Variants in UTS2 observed in about 807,000 individuals in gnomAD.
The protein encoded by UTS2 is urotensin 2, also known as urotensin-2.
In UTS2, 10 loss-of-function variants were observed where a neutral mutation model predicts 12.6. The observed-to-expected ratio is 0.80, with a 90% CI of 0.49 to 1.35. The LOEUF is 1.35. Ranked by LOEUF, UTS2 falls within the 40% of genes most tolerant of loss-of-function variation. The probability of loss-of-function intolerance (pLI) is 0.00; values close to 1 mark genes in which losing one functional copy is unlikely to be tolerated. For synonymous variants in UTS2, 52 were observed against 50.0 expected, an observed-to-expected ratio of 1.04 and a Z score of -0.17; for missense variants, 142 against 143.2, an observed-to-expected ratio of 0.99 and a Z score of 0.04.
chr1:7,886,464 G>A, the UTS2 span, among the ~76,000 whole-genome samples: 4 of 152,228 alleles, frequency 2.6e-5, no homozygotes, highest in South Asian at 4.1e-4. Context: ...CTTTCTGAAC[G>A]ATGTAGACCA....
At chr1:7,877,601 G>A in the UTS2 span, among the ~76,000 whole-genome samples, 6 of 152,218 alleles carry the variant, frequency 3.9e-5, no homozygotes, top group South Asian at 8.3e-4. Flanking sequence ...AAGACTGGGC[G>A]CAGTGGCTCA....
chr1:7,885,835 G>A, the UTS2 span, among the ~76,000 whole-genome samples: 2 of 1,424 alleles, frequency 1.4e-3, no homozygotes, highest in Admixed American at 7.0e-3. Flanking sequence ...GGGAAATCAG[G>A]AAGGGCGAGG....
At chr1:7,869,889 T>C in the UTS2 span, among the ~76,000 whole-genome samples, 1 of 152,250 alleles carries the variant, frequency 6.6e-6, no homozygotes, top group Non-Finnish European at 1.5e-5. Flanking sequence ...ATATCACTGA[T>C]ATCAGAGGAG....
upstream of UTS2, chr1:7,853,419 C>A: frequency 1.2e-6 from 2 of 1,613,376 alleles, no homozygotes; most frequent in Non-Finnish European, 1.7e-6. Flanking sequence ...AGATGAAATA[C>A]GTTGGTTTCC....
chr1:7,862,980 A>ATTGTG, the UTS2 span, among the ~76,000 whole-genome samples: 1,510 of 53,254 alleles, frequency 0.028, 78 homozygotes, highest in African/African-American at 0.049. Context: ...GCCGTTATTT[A>ATTGTG]TTGTGTTGTG....
chr1:7,878,413 C>A, the UTS2 span, among the ~76,000 whole-genome samples: 1 of 152,080 alleles, frequency 6.6e-6, no homozygotes, highest in Non-Finnish European at 1.5e-5. Flanking sequence ...CTACAGAAAA[C>A]AACCAAACTG....
At chr1:7,901,153 A>G in the UTS2 span, among the ~76,000 whole-genome samples, 1 of 152,206 alleles carries the variant, frequency 6.6e-6, no homozygotes, top group African/African-American at 2.4e-5. Context: ...ACCCGTTCAT[A>G]GTAGTCTGTT....
chr1:7,872,898 T>A, the UTS2 span, among the ~76,000 whole-genome samples: 1 of 152,178 alleles, frequency 6.6e-6, no homozygotes, highest in Non-Finnish European at 1.5e-5. Context: ...CGTCAATCCC[T>A]GACTTAAAGC....
At chr1:7,889,311 G>A in the UTS2 span, among the ~76,000 whole-genome samples, 16 of 150,014 alleles carry the variant, frequency 1.1e-4, no homozygotes, top group South Asian at 2.1e-4. Flanking sequence ...GCATGGTGGC[G>A]TGAGCCTGTG....
At chr1:7,847,981 T>G in intron 3 of UTS2, 99 bp from the exon 4 acceptor site, 1 of 837,498 alleles carries the variant, frequency 1.2e-6, no homozygotes, top group Admixed American at 2.5e-5. Context: ...GTCAAGACAC[T>G]GGACTTCTTA....
chr1:7,876,765 A>T, the UTS2 span, among the ~76,000 whole-genome samples: 1 of 148,862 alleles, frequency 6.7e-6, no homozygotes, highest in Non-Finnish European at 1.5e-5. Context: ...ACAGAAAAAA[A>T]GTCTTTTTCT....
At chr1:7,890,542 G>A in the UTS2 span, among the ~76,000 whole-genome samples, 1 of 152,052 alleles carries the variant, frequency 6.6e-6, no homozygotes, top group African/African-American at 2.4e-5. Context: ...ATAATCAGAA[G>A]GTTTACAGAT....
the UTS2 span, among the ~76,000 whole-genome samples, chr1:7,888,895 C>T: frequency 1.4e-3 from 218 of 152,202 alleles, 2 homozygotes; most frequent in East Asian, 0.034. Flanking sequence ...AGAATCCTGC[C>T]CTGCCTCCAA....
chr1:7,907,520 TA>T, the UTS2 span, among the ~76,000 whole-genome samples: 1 of 151,544 alleles, frequency 6.6e-6, no homozygotes, highest in Non-Finnish European at 1.5e-5. Context: ...TAAAAAAATT[TA>T]AAAATTAGAA....
the UTS2 span, among the ~76,000 whole-genome samples, chr1:7,905,368 C>T: frequency 6.6e-6 from 1 of 151,808 alleles, no homozygotes; most frequent in South Asian, 2.1e-4. Flanking sequence ...TGGTCTTGAA[C>T]TCCCGACCTC....
At chr1:7,848,012 T>C (rs1036669020) in intron 3 of UTS2, 130 bp from the exon 4 acceptor site, 1 of 685,148 alleles carries the variant, frequency 1.5e-6, no homozygotes, top group African/African-American at 1.8e-5. Flanking sequence ...CATTTTTCCC[T>C]GGACTATAAT....
chr1:7,873,755 A>C, the UTS2 span, among the ~76,000 whole-genome samples: 1 of 152,326 alleles, frequency 6.6e-6, no homozygotes, highest in African/African-American at 2.4e-5. Context: ...CAAAGGACTT[A>C]GAATATTCCG....
At chr1:7,889,178 C>A in the UTS2 span, among the ~76,000 whole-genome samples, 1 of 145,330 alleles carries the variant, frequency 6.9e-6, no homozygotes, top group Non-Finnish European at 1.5e-5. Context: ...AATCCCAGCA[C>A]TTTGGGAGGC....
At chr1:7,853,615 CAT>C (rs1272743896), upstream of UTS2, 3 of 661,398 alleles carry the variant, frequency 4.5e-6, no homozygotes, top group African/African-American at 3.7e-5. Context: ...CACGTGGCCT[CAT>C]GTGAAGCCGC....
Sources: gnomAD v4.1 joint callset for allele counts (sites outside exome capture counted in the v4.1 genomes callset) on GRCh38, gnomAD v4.1.1 for gene constraint, MANE v1.5 for transcripts, NCBI Gene and HGNC (gene_info 2026-07-23, HGNC 2026-07-21) for gene names.